Variants in CEBPZOS observed in about 807,000 individuals in gnomAD.
CEBPZOS encodes the protein CEBPZ opposite strand, also known as protein CEBPZOS.
CEBPZOS carries 10 observed loss-of-function variants against 4.8 expected under a neutral mutation model. That is an observed-to-expected ratio of 2.07 (90% confidence interval 1.28 to 3.52). The LOEUF (loss-of-function observed/expected upper bound fraction) is 3.52, where lower values mean the gene tolerates loss of function less well. CEBPZOS is among the 30% of genes most tolerant of loss of function. The probability of loss-of-function intolerance (pLI) is 0.00; values close to 1 mark genes in which losing one functional copy is unlikely to be tolerated. For missense variants in CEBPZOS, 98 were observed against 43.6 expected (o/e 2.25, Z -3.51); for synonymous variants, 25 against 14.2 (o/e 1.77, Z -1.72).
chr2:37,207,525 T>C (rs1677579895), downstream of CEBPZOS, among the ~76,000 whole-genome samples: 1 of 152,118 alleles, frequency 6.6e-6, no homozygotes, highest in Admixed American at 6.5e-5. Flanking sequence ...TACAAATACA[T>C]GGAAATTTAA....
downstream of CEBPZOS, chr2:37,209,037 C>A (rs1488843848): frequency 3.6e-5 from 3 of 83,012 alleles, no homozygotes; most frequent in Non-Finnish European, 6.6e-5. Flanking sequence ...ACCCCCCTTA[C>A]AACACCTGCC....
rs775928829 is a variant in CEBPZOS at position 37,202,954 on chromosome 2, T to A, written c.*1094T>A. The stretch of plus-strand genomic sequence containing the variant: ...AAAACAGTACATTAGCCTTACCTCT[T>A]CAGCAGATACAAATAGGCTGGAATC... On this transcript the variant is annotated 3_prime_UTR_variant, in exon 5 of 5. Transcript: ENST00000402297. 6.3e-7 allele frequency: 1 copy of A among 1,580,908 alleles called. No individual in the cohort carries two copies. The highest frequency in any genetic ancestry group is 8.6e-7 in the Non-Finnish European group (1 of 1,166,178).
Position 37,203,866 on chromosome 2 carries a change from AGTACTCCATGCCATGTTGTG to A in CEBPZOS, c.*2008_*2027del, listed in dbSNP as rs1301978848. On this transcript the variant is annotated 3_prime_UTR_variant, in exon 5 of 5. Coordinates refer to ENST00000402297, the MANE Select transcript of CEBPZOS (RefSeq NM_001322374.2). ...CGTTTTTGAGGCTCATCCATGTTGT[AGTACTCCATGCCATGTTGTG>A]GGCTACATAATATTCCATTGTATGG... The A allele has an allele frequency of 5.3e-5, 8 of 152,154 alleles. No homozygotes were observed. Among genetic ancestry groups the A allele is most frequent in the Non-Finnish European group, 7.3e-5 (5 of 68,028 alleles). The allele number at this position is 152,154 out of a possible 1,614,324, so 9.4% of individuals were successfully genotyped here.
At chr2:37,213,915 C>A, downstream of CEBPZOS, 1 of 1,595,358 alleles carries the variant, frequency 6.3e-7, no homozygotes, top group Non-Finnish European at 8.5e-7. Context: ...CTTTCTTCAT[C>A]TGCATCCCGT....
chr2:37,209,052 A>AG (rs1677633467), downstream of CEBPZOS: 1 of 125,698 alleles, frequency 8.0e-6, no homozygotes, highest in South Asian at 2.4e-4. Flanking sequence ...CCTGCCAAAA[A>AG]AAAAAAAAAT....
At chr2:37,208,284 CTAAATCA>C (rs1677605642), downstream of CEBPZOS, among the ~76,000 whole-genome samples, 1 of 152,104 alleles carries the variant, frequency 6.6e-6, no homozygotes, top group Non-Finnish European at 1.5e-5. Flanking sequence ...GGAATCCTCC[CTAAATCA>C]TTCAATGAAG....
chr2:37,214,202 T>C (rs540562464), downstream of CEBPZOS, among the ~76,000 whole-genome samples: 4 of 152,332 alleles, frequency 2.6e-5, no homozygotes, highest in East Asian at 7.7e-4. Flanking sequence ...CCTATTCTTA[T>C]ATTAGAATAC....
rs930296432 is a variant in CEBPZOS at position 37,203,430 on chromosome 2, A to C, written c.*1570A>C. ...AGTATGTTTATTATGCTATAAATGA[A>C]GTTGTTTATAACAGCGAAAAAGGTT... On this transcript the variant is annotated 3_prime_UTR_variant, in exon 5 of 5. Transcript: ENST00000402297. 13 of 152,182 alleles carry C rather than the reference A, an allele frequency of 8.5e-5. No individual in the cohort carries two copies. Among genetic ancestry groups the C allele is most frequent in the African/African-American group, 2.9e-4 (12 of 41,304 alleles). 9.4% of individuals were successfully genotyped at this position (152,182 alleles called of 1,614,324 possible).
In CEBPZOS at chr2:37,201,186, A is replaced by G; in HGVS notation, c.160+94A>G. The stretch of plus-strand genomic sequence containing the variant: ...ATTTCTTTACAAGGAATTTCTAACA[A>G]TACTATTCACATGTATTTTAGTTCT... On this transcript the variant is annotated intron_variant, in intron 3 of 4. Coordinates refer to ENST00000402297, the MANE Select transcript of CEBPZOS (RefSeq NM_001322374.2). 1.2e-5 allele frequency: 8 copies of G among 661,532 alleles called. No individual in the cohort carries two copies. In the South Asian group the frequency reaches 1.4e-4, roughly 12 times the overall value. The allele number at this position is 661,532 out of a possible 1,614,324, so 41.0% of individuals were successfully genotyped here. A position where few individuals can be genotyped will look rare whatever the true frequency, so the allele number is the denominator to read the frequency against.
At chr2:37,207,947 T>C (rs566971874), downstream of CEBPZOS, among the ~76,000 whole-genome samples, 1 of 152,130 alleles carries the variant, frequency 6.6e-6, no homozygotes, top group East Asian at 1.9e-4. Context: ...ATAAGCTCAA[T>C]TAGAGACGAA....
intron 4 of CEBPZOS, chr2:37,212,362 G>C: frequency 6.2e-7 from 1 of 1,613,608 alleles, no homozygotes; most frequent in Non-Finnish European, 8.5e-7. Flanking sequence ...ATCCTTTCCA[G>C]AGCTGAAACA....
At chr2:37,200,805 G>A (rs1042215579) in intron 2 of CEBPZOS, among the ~76,000 whole-genome samples, 2 of 152,308 alleles carry the variant, frequency 1.3e-5, no homozygotes, top group South Asian at 4.1e-4. Context: ...CAGCCCAGGG[G>A]GGTCTAGGCA....
downstream of CEBPZOS, among the ~76,000 whole-genome samples, chr2:37,208,152 T>A (rs535577428): frequency 1.3e-5 from 2 of 152,076 alleles, no homozygotes; most frequent in East Asian, 3.9e-4. Flanking sequence ...ACTGAAACAG[T>A]AATAAAAAAA....
chr2:37,205,552 A>G (rs1190388815), downstream of CEBPZOS, among the ~76,000 whole-genome samples: 2 of 152,174 alleles, frequency 1.3e-5, no homozygotes, highest in African/African-American at 4.8e-5. Context: ...TTTCGGACTC[A>G]GCCCGCCTGC....
downstream of CEBPZOS, chr2:37,214,830 T>C (rs1304399418): frequency 7.4e-6 from 8 of 1,082,858 alleles, no homozygotes; most frequent in African/African-American, 1.6e-5. Context: ...TTTTATGAAA[T>C]CTAAAAATTT....
chr2:37,212,627 T>C (rs1677759683), intron 4 of CEBPZOS: 1 of 529,052 alleles, frequency 1.9e-6, no homozygotes, highest in Non-Finnish European at 3.3e-6. Context: ...CGGCTCTTTC[T>C]ACAGTTCTTT....
rs140254376 is a variant in CEBPZOS at position 37,201,988 on chromosome 2, A to G, written c.*128A>G. 668 of 1,323,132 alleles carry G rather than the reference A, an allele frequency of 5.0e-4. 3 individuals are homozygous for G. The African/African-American group carries it at 7.2e-3, about 14-fold the overall frequency. 82.0% of individuals were successfully genotyped at this position (1,323,132 alleles called of 1,614,324 possible). On this transcript the variant is annotated 3_prime_UTR_variant, in exon 5 of 5. Coordinates refer to ENST00000402297, the MANE Select transcript of CEBPZOS (RefSeq NM_001322374.2). ...CAGAACATGCTGCTGAGTCACAGGA[A>G]CTTCTAGCCTGCCTTGGCCTGTGGT...
intron 1 of CEBPZOS, chr2:37,198,558 C>G (rs561694028): frequency 2.0e-5 from 3 of 152,114 alleles, no homozygotes; most frequent in Non-Finnish European, 4.4e-5. Context: ...GGATTGAGAA[C>G]AAAAGAGCAC....
Position 37,200,819 on chromosome 2 carries a change from G to A in CEBPZOS, c.116-229G>A, listed in dbSNP as rs143242344. ...CCAGCCCAGGGGGGTCTAGGCAGTG[G>A]TGGATTGTGACTGTGCCACTGTACT... On this transcript the variant is annotated intron_variant, in intron 2 of 4. Transcript: ENST00000402297. Among the ~76,000 whole-genome samples the A allele has an allele frequency of 2.0e-5, 3 of 152,322 alleles. No individual in the cohort carries two copies. The East Asian group carries it at 5.8e-4, about 29-fold the overall frequency.
Sources: gnomAD v4.1 joint callset for allele counts (sites outside exome capture counted in the v4.1 genomes callset) on GRCh38, gnomAD v4.1.1 for gene constraint, MANE v1.5 for transcripts, NCBI Gene and HGNC (gene_info 2026-07-23, HGNC 2026-07-21) for gene names.